The following DGKH variants were observed in gnomAD, a reference collection of about 807,000 sequenced individuals.
The protein encoded by DGKH is DAG kinase eta.
DGKH carries 90 observed loss-of-function variants against 159.3 expected under a neutral mutation model. That is an observed-to-expected ratio of 0.57 (90% CI 0.48 to 0.67). The LOEUF is 0.67. DGKH is among the 30% of genes least tolerant of loss of function. The pLI is 0.00. For missense variants in DGKH, 1,181 were observed against 1,506.1 expected (o/e 0.78, Z 3.57); for synonymous variants, 536 against 553.8 (o/e 0.97, Z 0.45).
At chr13:42,156,733 T>C (rs901214009) in intron 5 of DGKH, among the ~76,000 whole-genome samples, 52 of 152,196 alleles carry the variant, frequency 3.4e-4, no homozygotes, top group African/African-American at 1.2e-3. Flanking sequence ...CACTTATTTA[T>C]AATTAAGTAA....
At chr13:42,188,644 G>A (rs919612374) in intron 14 of DGKH, among the ~76,000 whole-genome samples, 1 of 152,162 alleles carries the variant, frequency 6.6e-6, no homozygotes, top group African/African-American at 2.4e-5. Flanking sequence ...TGTATAAAAT[G>A]TCTGTTGTGT....
chr13:42,247,968 T>C (rs528274404), intron 29 of DGKH, among the ~76,000 whole-genome samples: 93 of 152,304 alleles, frequency 6.1e-4, no homozygotes, highest in African/African-American at 1.9e-3. Flanking sequence ...TAATATTTAT[T>C]ATTGAAGAAA....
rs1305400236 is a variant in DGKH at position 42,231,966 on chromosome 13, TTTGTCTATGCA to T, written c.*2780_*2790del. 6.6e-6 allele frequency: 1 copy of T among 152,210 alleles called. No homozygotes were observed. Among genetic ancestry groups the T allele is most frequent in the Non-Finnish European group, 1.5e-5 (1 of 68,032 alleles). The allele number at this position is 152,210 out of a possible 1,614,324, so 9.4% of individuals were successfully genotyped here. A position where few individuals can be genotyped will look rare whatever the true frequency, so the allele number is the denominator to read the frequency against. ...AATGAGAGCAATTTTCTCTGTATGC[TTTGTCTATGCA>T]TGGCTGTGCAGGGCCCAAATGACTT... is the stretch of plus-strand genomic sequence containing the variant. On this transcript the variant is annotated 3_prime_UTR_variant, in exon 30 of 30. Coordinates refer to ENST00000337343, the MANE Select transcript of DGKH (RefSeq NM_178009.5).
chr13:42,170,113 C>T (rs542381622), intron 11 of DGKH, among the ~76,000 whole-genome samples: 2 of 152,148 alleles, frequency 1.3e-5, no homozygotes, highest in Non-Finnish European at 2.9e-5. Flanking sequence ...GGTGACTTCC[C>T]AGACAACTGT....
chr13:42,184,452 T>TATGTGAA (rs1348997559), intron 13 of DGKH, among the ~76,000 whole-genome samples: 4 of 152,114 alleles, frequency 2.6e-5, no homozygotes, highest in African/African-American at 9.7e-5. Context: ...AATCATCAGG[T>TATGTGAA]ATGTGAAATG....
At chr13:42,184,888 TA>T (rs66713217) in intron 13 of DGKH, among the ~76,000 whole-genome samples, 67,899 of 137,694 alleles carry the variant, frequency 0.49, 16,266 homozygotes, top group East Asian at 0.68. Flanking sequence ...TTTTTTTTTT[TA>T]AAAAAAAAGT....
intron 25 of DGKH, among the ~76,000 whole-genome samples, chr13:42,215,157 C>CA (rs1566202042): frequency 1.1e-3 from 143 of 136,062 alleles, no homozygotes; most frequent in Middle Eastern, 3.8e-3. Context: ...AAACTGATAG[C>CA]GTTTTTTTTT....
rs116870026 is a variant in DGKH, at chr13:42,112,453, G to A, written c.193-15010G>A. Among the ~76,000 whole-genome samples the A allele has an allele frequency of 2.0e-4, 30 of 152,224 alleles. No individual in the cohort carries two copies. In the East Asian group the frequency reaches 5.4e-3, roughly 28 times the overall value. On this transcript the variant is annotated intron_variant, in intron 1 of 29. Transcript: ENST00000337343. ...TGAGCCACGATGCCTGGCCCCACGT[G>A]GCTTTGGAACTCTGTTTCACAGAGC...
intron 20 of DGKH, among the ~76,000 whole-genome samples, chr13:42,201,951 C>CT (rs1957358017): frequency 6.6e-6 from 1 of 152,044 alleles, no homozygotes; most frequent in Non-Finnish European, 1.5e-5. Context: ...TTACTAATGC[C>CT]TTTTTTCCCC....
At chr13:42,190,581 T>C in intron 16 of DGKH, 56 bp downstream of exon 16, 2 of 1,533,520 alleles carry the variant, frequency 1.3e-6, no homozygotes, top group Admixed American at 2.2e-5. Flanking sequence ...ATTTTGCTTT[T>C]AGTTTTCAAA....
Position 42,159,263 on chromosome 13 carries a change from T to TTTTTTTTTTTTTTTTTTAA in DGKH, c.623-3_623-2insTTTTTTTTTTTTTTTTTAA. ...GTTGCTCTTTTTTTTTTTTTTTTTT[T>TTTTTTTTTTTTTTTTTTAA]AGTGTGTAAATTCAAGGCTCACAAA... On this transcript the variant is annotated splice_polypyrimidine_tract_variant and splice_region_variant and intron_variant, in intron 5 of 29. Coordinates refer to ENST00000337343, the MANE Select transcript of DGKH (RefSeq NM_178009.5). The TTTTTTTTTTTTTTTTTTAA allele has an allele frequency of 2.0e-5, 25 of 1,249,716 alleles. No individual in the cohort carries two copies. Among genetic ancestry groups the TTTTTTTTTTTTTTTTTTAA allele is most frequent in the Non-Finnish European group, 2.7e-5 (24 of 894,572 alleles). The allele number at this position is 1,249,716 out of a possible 1,614,324, so 77.4% of individuals were successfully genotyped here.
intron 11 of DGKH, 36 bp downstream of exon 11, chr13:42,168,854 A>G (rs761058960): frequency 6.9e-6 from 11 of 1,585,988 alleles, no homozygotes; most frequent in Non-Finnish European, 9.4e-6. Context: ...TAGATGGAAA[A>G]TGGCATACTG....
At chr13:42,221,985 T>A (rs347386) in intron 29 of DGKH, among the ~76,000 whole-genome samples, 11 of 152,050 alleles carry the variant, frequency 7.2e-5, no homozygotes, top group Admixed American at 2.6e-4. Flanking sequence ...TTTTTTTTCT[T>A]TAGTAAACGA....
At chr13:42,061,345 G>A (rs905520831) in intron 1 of DGKH, among the ~76,000 whole-genome samples, 3 of 152,152 alleles carry the variant, frequency 2.0e-5, no homozygotes, top group Admixed American at 6.5e-5. Context: ...CTTAGTTCCT[G>A]CAGGCATTCA....
intron 1 of DGKH, among the ~76,000 whole-genome samples, chr13:42,105,852 G>A (rs912371916): frequency 6.6e-6 from 1 of 152,134 alleles, no homozygotes; most frequent in Non-Finnish European, 1.5e-5. Flanking sequence ...TTTGTTTACT[G>A]CTATATCTCC....
intron 13 of DGKH, among the ~76,000 whole-genome samples, chr13:42,183,382 C>A (rs899138776): frequency 6.6e-6 from 1 of 151,952 alleles, no homozygotes; most frequent in Non-Finnish European, 1.5e-5. Context: ...ACCTAAATCA[C>A]AAGAGCACAA....
chr13:42,253,027 A>T (rs1417435078), intron 30 of DGKH, among the ~76,000 whole-genome samples: 1 of 152,188 alleles, frequency 6.6e-6, no homozygotes, highest in Non-Finnish European at 1.5e-5. Flanking sequence ...CAAGCATTTT[A>T]TAATTGACTT....
At chr13:42,246,300 A>G (rs573134750), downstream of DGKH, among the ~76,000 whole-genome samples, 1 of 152,286 alleles carries the variant, frequency 6.6e-6, no homozygotes, top group East Asian at 1.9e-4. Context: ...GAGAGACTAC[A>G]AGGCTGGGCG....
intron 3 of DGKH, among the ~76,000 whole-genome samples, chr13:42,132,819 G>A (rs867751350): frequency 1.1e-4 from 16 of 152,132 alleles, no homozygotes; most frequent in Middle Eastern, 6.8e-3. Flanking sequence ...AGGAGTTTGA[G>A]GCTCTAGTGA....
Sources: gnomAD v4.1 joint callset for allele counts (sites outside exome capture counted in the v4.1 genomes callset) on GRCh38, gnomAD v4.1.1 for gene constraint, MANE v1.5 for transcripts, NCBI Gene and HGNC (gene_info 2026-07-23, HGNC 2026-07-21) for gene names.